SYT14: variants seen among roughly 807,000 people sequenced by gnomAD.
SYT14 encodes synaptotagmin 14.
SYT14 carries 32 observed loss-of-function variants against 74.2 expected under a neutral mutation model. The observed-to-expected ratio is 0.43, with a 90% CI of 0.33 to 0.58. The LOEUF (loss-of-function observed/expected upper bound fraction) is 0.58, where lower values mean the gene tolerates loss of function less well. Ranked by LOEUF, SYT14 falls within the 20% of genes least tolerant of loss-of-function variation. SYT14 has a pLI of 0.05. For synonymous variants in SYT14, 298 were observed against 337.7 expected (o/e 0.88, Z 1.29); for missense variants, 791 against 981.8 (o/e 0.81, Z 2.60).
At chr1:209,987,596 C>A (rs572143668) in intron 2 of SYT14, among the ~76,000 whole-genome samples, 5 of 152,244 alleles carry the variant, frequency 3.3e-5, no homozygotes, top group Non-Finnish European at 7.3e-5. Flanking sequence ...CACTAGGTCT[C>A]ACCTCCAACA....
intron 2 of SYT14, among the ~76,000 whole-genome samples, chr1:210,009,775 AAATT>A (rs1275412847): frequency 2.0e-5 from 3 of 152,254 alleles, no homozygotes; most frequent in African/African-American, 7.2e-5. Flanking sequence ...GTCAAAAACT[AAATT>A]AATTATCTGT....
intron 5 of SYT14, among the ~76,000 whole-genome samples, chr1:210,088,373 T>C (rs545939788): frequency 6.6e-6 from 1 of 150,862 alleles, no homozygotes; most frequent in Non-Finnish European, 1.5e-5. Context: ...TGACAGGCCG[T>C]GGTGTGTGAT....
At chr1:209,938,300 G>C (rs1418579310) in intron 1 of SYT14, 23 bp downstream of exon 1, 4 of 1,553,046 alleles carry the variant, frequency 2.6e-6, no homozygotes, top group Middle Eastern at 1.7e-4. Flanking sequence ...TGACAGCGGG[G>C]AGCGAGGACC....
At chr1:210,050,691 C>G (rs1035566635) in intron 5 of SYT14, among the ~76,000 whole-genome samples, 1 of 152,190 alleles carries the variant, frequency 6.6e-6, no homozygotes, top group Non-Finnish European at 1.5e-5. Flanking sequence ...GTGAAAGGCA[C>G]GTCTCACATG....
At chr1:210,083,358 A>G (rs1406158088) in intron 5 of SYT14, among the ~76,000 whole-genome samples, 2 of 152,230 alleles carry the variant, frequency 1.3e-5, no homozygotes, top group Non-Finnish European at 2.9e-5. Context: ...AAGGCGTGAC[A>G]TAAAAATGAT....
At chr1:210,077,505 G>T (rs1415326273) in intron 5 of SYT14, among the ~76,000 whole-genome samples, 3 of 152,164 alleles carry the variant, frequency 2.0e-5, no homozygotes, top group Admixed American at 2.0e-4. Context: ...GGTCACTTGG[G>T]TTCTTTCTAC....
intron 1 of SYT14, among the ~76,000 whole-genome samples, chr1:209,949,402 G>T (rs1224680369): frequency 6.6e-6 from 1 of 151,866 alleles, no homozygotes; most frequent in Non-Finnish European, 1.5e-5. Context: ...GTGAAACCCC[G>T]CCTCTACTAA....
rs574766420 is a variant in SYT14 at position 210,125,834 on chromosome 1, A to G, written c.2034+25373A>G. ...TACTAAAACACTGCCAGTCATAACC[A>G]GGGTTTGATTCTAGTTAAAATGGTT... On this transcript the variant is annotated intron_variant, in intron 7 of 9. Transcript: ENST00000637265. Among the ~76,000 whole-genome samples, 3 of 152,336 alleles carry G rather than the reference A, an allele frequency of 2.0e-5. No individual in the cohort carries two copies. The East Asian group carries it at 5.8e-4, about 29-fold the overall frequency.
chr1:210,057,197 A>AG (rs1349496556), intron 5 of SYT14, among the ~76,000 whole-genome samples: 1 of 152,184 alleles, frequency 6.6e-6, no homozygotes, highest in African/African-American at 2.4e-5. Context: ...CCCAAACATG[A>AG]GGTAGTATAA....
chr1:210,034,738 T>C (rs915209107), intron 5 of SYT14, among the ~76,000 whole-genome samples: 1 of 151,852 alleles, frequency 6.6e-6, no homozygotes, highest in Non-Finnish European at 1.5e-5. Flanking sequence ...TATGACTTTA[T>C]GCTTCTGAGG....
chr1:210,032,062 A>G (rs1177776561), intron 5 of SYT14, among the ~76,000 whole-genome samples: 2 of 152,140 alleles, frequency 1.3e-5, no homozygotes, highest in Non-Finnish European at 2.9e-5. Context: ...GAGCATTTAA[A>G]TGCCATGGCA....
exon 4 of SYT14, chr1:210,016,854 T>C: frequency 8.1e-7 from 1 of 1,231,778 alleles, no homozygotes; most frequent in Non-Finnish European, 1.0e-6. Flanking sequence ...GAATGTTCTT[T>C]AAAAGATATT....
At chr1:210,154,355 C>T (rs927082414) in intron 7 of SYT14, among the ~76,000 whole-genome samples, 1 of 152,134 alleles carries the variant, frequency 6.6e-6, no homozygotes, top group African/African-American at 2.4e-5. Flanking sequence ...AGCCTGAGCT[C>T]GGCCTCCTGT....
intron 6 of SYT14, 66 bp downstream of exon 5, chr1:210,094,659 C>T (rs2102527110): frequency 6.5e-7 from 1 of 1,538,958 alleles, no homozygotes. Context: ...CTGTGCTTCT[C>T]CTCTTGGTAA....
At chr1:210,056,928 T>G (rs538321994) in intron 5 of SYT14, among the ~76,000 whole-genome samples, 1 of 151,844 alleles carries the variant, frequency 6.6e-6, no homozygotes, top group Admixed American at 6.6e-5. Flanking sequence ...CACTGCAACC[T>G]CCACCTCCCA....
chr1:210,140,734 C>G (rs1359263552), intron 7 of SYT14, among the ~76,000 whole-genome samples: 1 of 151,904 alleles, frequency 6.6e-6, no homozygotes, highest in South Asian at 2.1e-4. Context: ...TCCAGTTGTC[C>G]CAACAATTTG....
At chr1:210,127,374 CT>C (rs1267222856) in intron 7 of SYT14, among the ~76,000 whole-genome samples, 1 of 152,158 alleles carries the variant, frequency 6.6e-6, no homozygotes, top group Non-Finnish European at 1.5e-5. Flanking sequence ...GTAAGTATGG[CT>C]GTGTTGGTGG....
At chr1:209,951,225 CTCA>C (rs2078907551) in intron 1 of SYT14, among the ~76,000 whole-genome samples, 1 of 152,098 alleles carries the variant, frequency 6.6e-6, no homozygotes, top group South Asian at 2.1e-4. Context: ...TCTAAAACTC[CTCA>C]TCTATCTGAA....
At chr1:210,071,966 A>G (rs187531210) in intron 5 of SYT14, among the ~76,000 whole-genome samples, 2 of 151,882 alleles carry the variant, frequency 1.3e-5, no homozygotes, top group Admixed American at 6.6e-5. Flanking sequence ...TGAAGAACTC[A>G]AAACTCAAGT....
Sources: gnomAD v4.1 joint callset for allele counts (sites outside exome capture counted in the v4.1 genomes callset) on GRCh38, gnomAD v4.1.1 for gene constraint, MANE v1.5 for transcripts, NCBI Gene and HGNC (gene_info 2026-07-23, HGNC 2026-07-21) for gene names.